The following ERCC6L2 variants were observed in gnomAD, a reference collection of about 807,000 sequenced individuals.
ERCC6L2 encodes DNA excision repair protein ERCC-6-like 2.
ERCC6L2 carries 77 observed loss-of-function variants against 132.0 expected under a neutral mutation model. The ratio of observed to expected loss-of-function variants is 0.58; its 90% confidence interval spans 0.49 to 0.71. The LOEUF (loss-of-function observed/expected upper bound fraction) is 0.71, where lower values mean the gene tolerates loss of function less well. ERCC6L2 is among the 30% of genes least tolerant of loss of function. The pLI, the probability that ERCC6L2 is intolerant of heterozygous loss-of-function variation, is 0.00. For missense variants in ERCC6L2, 1,542 were observed against 1,837.6 expected, an observed-to-expected ratio of 0.84 and a Z score of 2.94; for synonymous variants, 583 against 632.4, an observed-to-expected ratio of 0.92 and a Z score of 1.17.
intron 7 of ERCC6L2, 59 bp from the exon 8 acceptor site, chr9:95,922,246 T>G (rs777725715): frequency 3.5e-5 from 27 of 773,170 alleles, no homozygotes; most frequent in Non-Finnish European, 5.5e-5. Context: ...CATTTTATGA[T>G]GTAAGCAGGT....
Position 96,017,954 on chromosome 9 carries a change from G to C in ERCC6L2, c.*4751G>C, listed in dbSNP as rs1167640683. Among the ~76,000 whole-genome samples, 1 of 152,194 alleles carries C rather than the reference G, an allele frequency of 6.6e-6. No individual in the cohort carries two copies. ...ACGTGCTACAACATAGATGAATCTT[G>C]AGGACGGTATGCAAAGTGAAATAAA... On this transcript the variant is annotated 3_prime_UTR_variant, in exon 19 of 19. Transcript: ENST00000653738.
Position 95,973,191 on chromosome 9 carries a change from G to T in ERCC6L2, c.3337+103G>T, listed in dbSNP as rs1263995982. ...ACTTGTAAAACAGCCCTAAAATCAA[G>T]ATGCTGCATTGAGGCACAAATAAGG... On this transcript the variant is annotated intron_variant, in intron 16 of 18. Transcript: ENST00000653738. The T allele has an allele frequency of 2.5e-5, 19 of 757,942 alleles. No individual in the cohort carries two copies. The African/African-American group carries it at 3.2e-4, about 13-fold the overall frequency. The allele number at this position is 757,942 out of a possible 1,614,324, so 47.0% of individuals were successfully genotyped here.
At chr9:96,004,957 A>G (rs1833816998) in intron 18 of ERCC6L2, 2 of 320,876 alleles carry the variant, frequency 6.2e-6, no homozygotes, top group South Asian at 2.7e-5. Flanking sequence ...CATTCAGTCA[A>G]TGAATATATT....
rs768754437 is a variant in ERCC6L2, at chr9:95,922,289, AT to A, written c.1300-11del. The A allele has an allele frequency of 4.9e-6, 7 of 1,419,746 alleles. No individual in the cohort carries two copies. The East Asian group carries it at 1.4e-4, about 28-fold the overall frequency. The allele number at this position is 1,419,746 out of a possible 1,614,324, so 87.9% of individuals were successfully genotyped here. On this transcript the variant is annotated splice_polypyrimidine_tract_variant and intron_variant, in intron 7 of 18. Transcript: ENST00000653738. ...TATGCTGGTCCTTTTTATTTTCTAT[AT>A]TTTTCTGGTTACAGACCAATTCTCA...
rs376428556 is a variant in ERCC6L2 at position 95,941,518 on chromosome 9, A to T, written c.1816A>T (p.Asn606Tyr). ...TGTTGTATTATTTGATCCTACTTGG[A>T]ATCCAGCCAATGATCTTCAAGCCAT... is the stretch of plus-strand genomic sequence containing the variant. ...NVVVLFDPTW[N>Y]PANDLQAIDR... The change falls in exon 12 of 19, where the codon AAT becomes TAT. Residue 606 changes from asparagine (N) to tyrosine (Y), a missense_variant. Asn to Tyr is a moderately radical substitution (Grantham distance 143). Transcript: ENST00000653738. 3.1e-6 allele frequency: 5 copies of T among 1,613,096 alleles called. No individual in the cohort carries two copies. Among genetic ancestry groups the T allele is most frequent in the Non-Finnish European group, 4.2e-6 (5 of 1,179,450 alleles).
chr9:95,987,677 A>G (rs1223420319), intron 17 of ERCC6L2, among the ~76,000 whole-genome samples: 2 of 152,058 alleles, frequency 1.3e-5, no homozygotes, highest in Non-Finnish European at 1.5e-5. Context: ...TGCACAATGC[A>G]TGCTCTCAGT....
intron 12 of ERCC6L2, among the ~76,000 whole-genome samples, chr9:95,952,012 A>G (rs1831354983): frequency 6.6e-6 from 1 of 151,864 alleles, no homozygotes; most frequent in African/African-American, 2.4e-5. Flanking sequence ...TACTAAAAAT[A>G]CAAAAATTAG....
At chr9:95,987,601 G>A (rs866552195) in intron 17 of ERCC6L2, among the ~76,000 whole-genome samples, 16 of 152,190 alleles carry the variant, frequency 1.1e-4, no homozygotes, top group African/African-American at 3.4e-4. Context: ...CTGTGGCTTT[G>A]CAGGGTACAG....
intron 14 of ERCC6L2, 191 bp downstream of exon 14, chr9:95,966,905 G>A: frequency 2.4e-6 from 1 of 413,142 alleles, no homozygotes; most frequent in Non-Finnish European, 4.2e-6. Flanking sequence ...ATTTTCCCAT[G>A]CATAATTACA....
At chr9:96,032,680 T>A (rs1386836990) in intron 19 of ERCC6L2, among the ~76,000 whole-genome samples, 1 of 152,156 alleles carries the variant, frequency 6.6e-6, no homozygotes, top group Non-Finnish European at 1.5e-5. Context: ...AGTTGCTGCC[T>A]CACCAGGAGC....
intron 13 of ERCC6L2, among the ~76,000 whole-genome samples, chr9:95,957,185 A>G (rs1020958385): frequency 1.6e-4 from 24 of 152,312 alleles, no homozygotes; most frequent in African/African-American, 4.1e-4. Context: ...ACTTGAGACA[A>G]TCTGGAATAA....
intron 18 of ERCC6L2, 41 bp downstream of exon 18, chr9:96,004,742 T>C: frequency 8.2e-7 from 1 of 1,218,952 alleles, no homozygotes; most frequent in Non-Finnish European, 1.1e-6. Flanking sequence ...AGAATAATTC[T>C]CAAAGGAAAT....
chr9:95,922,238 T>C, intron 7 of ERCC6L2, 67 bp from the exon 8 acceptor site: 1 of 726,002 alleles, frequency 1.4e-6, no homozygotes, highest in Non-Finnish European at 2.3e-6. Flanking sequence ...AAGTGATACA[T>C]TTTATGATGT....
At chr9:95,954,025 A>G (rs915639015) in intron 12 of ERCC6L2, among the ~76,000 whole-genome samples, 3 of 152,216 alleles carry the variant, frequency 2.0e-5, no homozygotes, top group Non-Finnish European at 4.4e-5. Flanking sequence ...GGTGCTTTCC[A>G]TGGATTATCT....
At chr9:95,929,823 T>A (rs564538882) in intron 11 of ERCC6L2, among the ~76,000 whole-genome samples, 1 of 152,154 alleles carries the variant, frequency 6.6e-6, no homozygotes, top group East Asian at 1.9e-4. Context: ...ATTCTAACTT[T>A]AAAGTGTTTC....
downstream of ERCC6L2, among the ~76,000 whole-genome samples, chr9:96,022,125 T>A (rs2133251551): frequency 6.6e-6 from 1 of 152,302 alleles, no homozygotes; most frequent in Admixed American, 6.5e-5. Context: ...TTCTCCAAAA[T>A]ATTTCCTGGA....
At chr9:95,960,657 G>C (rs1269224132) in intron 13 of ERCC6L2, among the ~76,000 whole-genome samples, 6 of 152,054 alleles carry the variant, frequency 3.9e-5, no homozygotes, top group Admixed American at 3.9e-4. Context: ...GTGTGGTCGT[G>C]GTCCTGCCAA....
At chr9:95,977,009 C>G (rs886953025) in intron 16 of ERCC6L2, among the ~76,000 whole-genome samples, 1 of 152,024 alleles carries the variant, frequency 6.6e-6, no homozygotes, top group Non-Finnish European at 1.5e-5. Context: ...GGTTGGTGTG[C>G]TACAGTTAGA....
At chr9:95,937,290 G>A (rs995348440) in intron 11 of ERCC6L2, among the ~76,000 whole-genome samples, 5 of 152,016 alleles carry the variant, frequency 3.3e-5, no homozygotes, top group South Asian at 2.1e-4. Flanking sequence ...ATTTGCTATC[G>A]TCACTATTTT....
Sources: gnomAD v4.1 joint callset for allele counts (sites outside exome capture counted in the v4.1 genomes callset) on GRCh38, gnomAD v4.1.1 for gene constraint, MANE v1.5 for transcripts, NCBI Gene and HGNC (gene_info 2026-07-23, HGNC 2026-07-21) for gene names.